The following COG5 variants were observed in gnomAD, a reference collection of about 807,000 sequenced individuals.
The protein encoded by COG5 is component of oligomeric golgi complex 5, also known as conserved oligomeric Golgi complex subunit 5.
Under a neutral mutation model 110.4 loss-of-function variants are expected in COG5, and 86 were observed. The ratio of observed to expected loss-of-function variants is 0.78; its 90% CI spans 0.65 to 0.93. The LOEUF (loss-of-function observed/expected upper bound fraction) is 0.93, where lower values mean the gene tolerates loss of function less well. Among genes scored for constraint, COG5 ranks in the 40% least tolerant of loss-of-function variants. COG5 has a pLI of 0.00. For synonymous variants in COG5, 360 were observed against 334.6 expected, an observed-to-expected ratio of 1.08 and a Z score of -0.83; for missense variants, 1,077 against 987.0, an observed-to-expected ratio of 1.09 and a Z score of -1.22.
intron 5 of COG5, among the ~76,000 whole-genome samples, chr7:107,535,618 T>C (rs1047406007): frequency 1.4e-4 from 21 of 152,092 alleles, no homozygotes; most frequent in African/African-American, 4.6e-4. Context: ...CAGATAGAAG[T>C]TGAATCCCTG....
intron 14 of COG5, among the ~76,000 whole-genome samples, chr7:107,261,314 TTCTCTC>T (rs146146553): frequency 4.7e-5 from 7 of 149,200 alleles, no homozygotes; most frequent in South Asian, 4.3e-4. Flanking sequence ...ATCATTTGTA[TTCTCTC>T]TCTCTCTCTC....
chr7:107,417,170 T>C (rs1190242683), intron 6 of COG5, among the ~76,000 whole-genome samples: 1 of 152,218 alleles, frequency 6.6e-6, no homozygotes, highest in Non-Finnish European at 1.5e-5. Context: ...ACACCAACTT[T>C]ATAAAGAGCA....
At chr7:107,531,998 C>G (rs1801245399) in intron 5 of COG5, among the ~76,000 whole-genome samples, 1 of 152,122 alleles carries the variant, frequency 6.6e-6, no homozygotes, top group South Asian at 2.1e-4. Context: ...TTTCATGCCC[C>G]AGACCTGGAA....
At chr7:107,332,913 A>T (rs1270502423) in intron 10 of COG5, among the ~76,000 whole-genome samples, 1 of 152,162 alleles carries the variant, frequency 6.6e-6, no homozygotes, top group Non-Finnish European at 1.5e-5. Context: ...TCAAAAAACA[A>T]AAGTGAAAAC....
chr7:107,359,932 AC>A (rs1435786002), intron 10 of COG5, among the ~76,000 whole-genome samples: 1 of 152,110 alleles, frequency 6.6e-6, no homozygotes, highest in Non-Finnish European at 1.5e-5. Flanking sequence ...GAAGGGACCT[AC>A]CCACTCTGGG....
In COG5 at chr7:107,241,495, C is replaced by T. The variant is rs1031695197; in HGVS notation, c.1854-4808G>A. On this transcript the variant is annotated intron_variant, in intron 17 of 21. Coordinates refer to ENST00000297135, the MANE Select transcript of COG5 (RefSeq NM_006348.5). The stretch of plus-strand genomic sequence containing the variant: ...TGATACAGAGTCTCACTCTATCGCC[C>T]AGGCTGGAGTGCAGTGGCGCGATCT... 2.0e-5 allele frequency among the ~76,000 whole-genome samples: 3 copies of T among 150,932 alleles called. No individual in the cohort carries two copies. In the East Asian group the frequency reaches 5.8e-4, roughly 29 times the overall value.
chr7:107,374,833 T>G (rs917732202), intron 7 of COG5, among the ~76,000 whole-genome samples: 1 of 151,984 alleles, frequency 6.6e-6, no homozygotes, highest in African/African-American at 2.4e-5. Context: ...ATTTATAGCT[T>G]AACACATAGA....
chr7:107,420,955 GTC>G, intron 6 of COG5, among the ~76,000 whole-genome samples: 2 of 152,122 alleles, frequency 1.3e-5, no homozygotes, highest in South Asian at 4.1e-4. Flanking sequence ...TCTTTTTTGT[GTC>G]TCTCACAAAA....
At chr7:107,427,163 G>A (rs995852803) in intron 6 of COG5, among the ~76,000 whole-genome samples, 2 of 152,240 alleles carry the variant, frequency 1.3e-5, no homozygotes, top group East Asian at 3.9e-4. Flanking sequence ...CAAAAGTAAG[G>A]CTATATAGAT....
At chr7:107,277,445 A>T (rs1455085636) in intron 14 of COG5, among the ~76,000 whole-genome samples, 4 of 152,284 alleles carry the variant, frequency 2.6e-5, no homozygotes, top group Non-Finnish European at 5.9e-5. Context: ...TAAAAAAAAC[A>T]AGAGAACAAC....
At chr7:107,363,295 G>A in intron 8 of COG5, among the ~76,000 whole-genome samples, 1 of 152,170 alleles carries the variant, frequency 6.6e-6, no homozygotes, top group Admixed American at 6.5e-5. Context: ...ATTTGGAGCA[G>A]TGAAAATACA....
Position 107,203,075 on chromosome 7 carries a change from G to GTGAT in COG5, c.*437_*440dup, listed in dbSNP as rs1274255062. On this transcript the variant is annotated 3_prime_UTR_variant, in exon 22 of 22. Coordinates refer to ENST00000297135, the MANE Select transcript of COG5 (RefSeq NM_006348.5). ...ATCAGGATTTTAAAAAAATCCCCTG[G>GTGAT]TGATTGGTATGAATGTGCAGCCAAA... 1 of 167,656 alleles carries GTGAT rather than the reference G, an allele frequency of 6.0e-6. No individual in the cohort carries two copies. 10.4% of individuals were successfully genotyped at this position (167,656 alleles called of 1,614,324 possible).
At chr7:107,294,980 C>T (rs1441403380) in intron 12 of COG5, among the ~76,000 whole-genome samples, 1 of 126,698 alleles carries the variant, frequency 7.9e-6, no homozygotes, top group Non-Finnish European at 1.6e-5. Context: ...TATATATACA[C>T]ATATATACAC....
At chr7:107,243,261 C>G (rs562701829) in intron 17 of COG5, among the ~76,000 whole-genome samples, 1 of 152,138 alleles carries the variant, frequency 6.6e-6, no homozygotes, top group Non-Finnish European at 1.5e-5. Flanking sequence ...CGCCTGTAGT[C>G]CCAGCACCTT....
At chr7:107,499,671 G>T (rs560987149) in intron 6 of COG5, among the ~76,000 whole-genome samples, 1 of 152,188 alleles carries the variant, frequency 6.6e-6, no homozygotes, top group Admixed American at 6.5e-5. Context: ...ACCTCCCTAA[G>T]TGCTAGGAGG....
At chr7:107,375,105 T>C (rs1414725362) in intron 7 of COG5, among the ~76,000 whole-genome samples, 2 of 152,086 alleles carry the variant, frequency 1.3e-5, no homozygotes, top group African/African-American at 4.8e-5. Context: ...GAATTTCACA[T>C]AAATGGAATT....
chr7:107,429,355 T>C (rs770640845), intron 6 of COG5, among the ~76,000 whole-genome samples: 13 of 152,186 alleles, frequency 8.5e-5, no homozygotes, highest in Non-Finnish European at 1.3e-4. Context: ...TGTGGTTTGA[T>C]TTGCATTTTC....
At chr7:107,305,640 G>C (rs1378596850) in intron 11 of COG5, among the ~76,000 whole-genome samples, 1 of 152,038 alleles carries the variant, frequency 6.6e-6, no homozygotes, top group African/African-American at 2.4e-5. Flanking sequence ...CATGGGTGGA[G>C]TCTCATCTGA....
intron 17 of COG5, among the ~76,000 whole-genome samples, chr7:107,243,511 CAAA>C (rs759045963): frequency 1.1e-4 from 9 of 78,542 alleles, no homozygotes; most frequent in African/African-American, 2.0e-4. Context: ...GACTCCATCT[CAAA>C]AAAAAAAAAA....
Sources: gnomAD v4.1 joint callset for allele counts (sites outside exome capture counted in the v4.1 genomes callset) on GRCh38, gnomAD v4.1.1 for gene constraint, MANE v1.5 for transcripts, NCBI Gene and HGNC (gene_info 2026-07-23, HGNC 2026-07-21) for gene names.